YARS2: variants seen among roughly 807,000 people sequenced by gnomAD.
YARS2 encodes the protein tyrosine--tRNA ligase, mitochondrial.
Under a neutral mutation model 45.0 loss-of-function variants are expected in YARS2, and 38 were observed. The ratio of observed to expected loss-of-function variants is 0.84; its 90% CI spans 0.65 to 1.11. The LOEUF is 1.11. Ranked by LOEUF, YARS2 falls within the 50% of genes least tolerant of loss-of-function variation. The pLI, the probability that YARS2 is intolerant of heterozygous loss-of-function variation, is 0.00. For missense variants in YARS2, 602 were observed against 599.8 expected, an observed-to-expected ratio of 1.00 and a Z score of -0.04; for synonymous variants, 287 against 245.1, an observed-to-expected ratio of 1.17 and a Z score of -1.60.
At chr12:32,748,185 G>A (rs74810251) in intron 4 of YARS2, among the ~76,000 whole-genome samples, 241 of 151,968 alleles carry the variant, frequency 1.6e-3, no homozygotes, top group African/African-American at 5.5e-3. Context: ...TTTATTTTTG[G>A]GTAGAGACGG....
At chr12:32,750,314 G>A (rs929177034) in intron 3 of YARS2, among the ~76,000 whole-genome samples, 5 of 152,074 alleles carry the variant, frequency 3.3e-5, no homozygotes, top group Non-Finnish European at 5.9e-5. Context: ...CGATTCTCCT[G>A]CCTCAGCCTC....
In YARS2 at chr12:32,755,732, A is replaced by C. The variant is rs1338620533; in HGVS notation, c.143T>G (p.Phe48Cys). 3.7e-6 allele frequency: 6 copies of C among 1,614,026 alleles called. No individual in the cohort carries two copies. The highest frequency in any genetic ancestry group is 5.1e-6 in the Non-Finnish European group (6 of 1,180,044). Residue 48 changes from phenylalanine (F) to cysteine (C), a missense_variant, in exon 1 of 5, where the codon TTC becomes TGC. Phe to Cys is a radical substitution (Grantham distance 205, BLOSUM62 -2). Coordinates refer to ENST00000324868, the MANE Select transcript of YARS2 (RefSeq NM_001040436.3). ...CCCCGTCTCCGGGAAGAAGTCCTTG[A>C]ACAGACCTCGAGCCTTCTGCGCTGC... Reference protein sequence around the residue: ...LLAAQKARGLFKDFFPETGTK... With the variant: ...LLAAQKARGLCKDFFPETGTK...
intron 4 of YARS2, among the ~76,000 whole-genome samples, chr12:32,748,254 C>T (rs1025620064): frequency 1.3e-5 from 2 of 152,078 alleles, no homozygotes; most frequent in East Asian, 1.9e-4. Context: ...GCAATCCTCC[C>T]GCCCTCAGCC....
rs751431435 is a variant in YARS2, at chr12:32,747,409, T to C, written c.1275-46A>G. ...GTAAGTAGAGAGATCCAATCACTGT[T>C]GATCTGTCCCCCAAAAAAGACTGTT... On this transcript the variant is annotated intron_variant, in intron 4 of 4. Coordinates refer to ENST00000324868, the MANE Select transcript of YARS2 (RefSeq NM_001040436.3). 1.3e-5 allele frequency: 21 copies of C among 1,593,026 alleles called. No individual in the cohort carries two copies. The South Asian group carries it at 2.3e-4, about 18-fold the overall frequency.
At chr12:32,748,215 C>T (rs1955678612) in intron 4 of YARS2, among the ~76,000 whole-genome samples, 1 of 151,968 alleles carries the variant, frequency 6.6e-6, no homozygotes, top group Non-Finnish European at 1.5e-5. Context: ...ACGTCCTTGC[C>T]CACACAGATC....
Position 32,750,104 on chromosome 12 carries a change from A to C in YARS2, c.1107T>G (p.Cys369Trp), listed in dbSNP as rs1955711030. ...TGCTACTGTGATAAAGGGCTTGTGTACACCTGAAAAACACATTTTAAGAGC... is the reference window on the plus strand; with the variant it reads ...TGCTACTGTGATAAAGGGCTTGTGTCCACCTGAAAAACACATTTTAAGAGC... ...GREGLDSAKRCTQALYHSSID... is the reference protein window; with the variant it reads ...GREGLDSAKRWTQALYHSSID... The change falls in exon 4 of 5, where the codon TGT (cysteine) becomes TGG (tryptophan). Residue 369 changes from cysteine to tryptophan, a missense_variant. Transcript: ENST00000324868. The C allele has an allele frequency of 2.5e-6, 4 of 1,613,884 alleles. No individual in the cohort carries two copies. Among genetic ancestry groups the C allele is most frequent in the Non-Finnish European group, 3.4e-6 (4 of 1,179,820 alleles).
At chr12:32,752,805 T>A (rs1175937138) in intron 2 of YARS2, 1 of 338,934 alleles carries the variant, frequency 3.0e-6, no homozygotes, top group Admixed American at 3.6e-5. Context: ...CAGGACTATA[T>A]CGTCAAACAT....
chr12:32,754,632 A>C (rs545846889), intron 1 of YARS2, among the ~76,000 whole-genome samples: 9 of 152,222 alleles, frequency 5.9e-5, no homozygotes, highest in African/African-American at 1.9e-4. Flanking sequence ...AAACACACAA[A>C]AGCAGTTTCT....
chr12:32,752,787 C>CA, intron 2 of YARS2: 1 of 344,590 alleles, frequency 2.9e-6, no homozygotes, highest in Admixed American at 3.4e-5. Flanking sequence ...CTCAATACAT[C>CA]AAAACCCCAG....
Position 32,747,358 on chromosome 12 carries a change from C to T in YARS2, c.1280G>A (p.Arg427Gln), listed in dbSNP as rs560972647. ...NAIPDGPRGY[R>Q]MITEGGVSIN... ...GCTGACTCCGCCTTCTGTTATCATT[C>T]GATACCTAAAAAATAGAAACGTTTA... The change falls in exon 5 of 5, where the codon CGA becomes CAA. Residue 427 changes from arginine to glutamine, a missense_variant. Transcript: ENST00000324868. 84 of 1,613,752 alleles carry T rather than the reference C, an allele frequency of 5.2e-5. No homozygotes were observed. The South Asian group carries it at 7.2e-4, about 14-fold the overall frequency.
In YARS2 at chr12:32,754,711, C is replaced by CTTTT. The variant is rs755897245; in HGVS notation, c.779+381_779+384dup. ...AAATCTTCACTAGTGGTCTGTTTCCCTTTTTTTTTTTTTTTTTTTTGAGAC... is the reference window on the plus strand; with the variant it reads ...AAATCTTCACTAGTGGTCTGTTTCCCTTTTTTTTTTTTTTTTTTTTTTTTGAGAC... On this transcript the variant is annotated intron_variant, in intron 1 of 4. Coordinates refer to ENST00000324868, the MANE Select transcript of YARS2 (RefSeq NM_001040436.3). Among the ~76,000 whole-genome samples, 132 of 126,724 alleles carry CTTTT rather than the reference C, an allele frequency of 1.0e-3. 1 individual carries two copies. The highest frequency in any genetic ancestry group is 1.5e-3 in the Non-Finnish European group (91 of 61,436). The allele number at this position is 126,724 out of a possible 152,430, so 83.1% of individuals were successfully genotyped here. A position where few individuals can be genotyped will look rare whatever the true frequency, so the allele number is the denominator to read the frequency against.
chr12:32,750,634 G>A, intron 3 of YARS2, 85 bp downstream of exon 3: 2 of 1,565,292 alleles, frequency 1.3e-6, no homozygotes, highest in Non-Finnish European at 1.7e-6. Flanking sequence ...TAAATGACAA[G>A]ATAATCCTAA....
chr12:32,755,394 C>T lies in YARS2; in HGVS notation c.481G>A (p.Asp161Asn). 1 of 1,613,886 alleles carries T rather than the reference C, an allele frequency of 6.2e-7. No individual in the cohort carries two copies. Among genetic ancestry groups the T allele is most frequent in the Non-Finnish European group, 8.5e-7 (1 of 1,180,036 alleles). Residue 161 changes from aspartate (D) to asparagine (N), a missense_variant, in exon 1 of 5, where the codon GAT becomes AAT. Physicochemically the swap from Asp to Asn is conservative, Grantham distance 23 (BLOSUM62 1). Transcript: ENST00000324868. The stretch of plus-strand genomic sequence containing the variant: ...GTGAAGCTGCCCCAGGAGCGCCCAT[C>T]AGTGAAAAGCTGCTGGTGATTAGCC... The part of the protein sequence containing the change: ...LAANHQQLFT[D>N]GRSWGSFTVL...
At chr12:32,750,632 A>G in intron 3 of YARS2, 87 bp downstream of exon 3, 1 of 1,557,966 alleles carries the variant, frequency 6.4e-7, no homozygotes, top group Non-Finnish European at 8.8e-7. Flanking sequence ...GATAAATGAC[A>G]AGATAATCCT....
chr12:32,754,880 A>C (rs1955817453), intron 1 of YARS2, among the ~76,000 whole-genome samples: 1 of 152,020 alleles, frequency 6.6e-6, no homozygotes, highest in Non-Finnish European at 1.5e-5. Flanking sequence ...ACGCCCAGCT[A>C]ATTTTTAGAA....
At position 32,746,905 on chromosome 12, in the gene YARS2, A is replaced by G. The variant is rs1955649390; in HGVS notation, c.*299T>C. On this transcript the variant is annotated 3_prime_UTR_variant, in exon 5 of 5. Transcript: ENST00000324868. ...CTACAAAAAGGAGAGCAGGAAGGGT[A>G]AGATAGGAAAGCAGCATTTCTTTCT... 3.1e-6 allele frequency: 1 copy of G among 327,188 alleles called. No homozygotes were observed. The highest frequency in any genetic ancestry group is 5.7e-6 in the Non-Finnish European group (1 of 174,866). 20.3% of individuals were successfully genotyped at this position (327,188 alleles called of 1,614,324 possible).
At chr12:32,748,859 T>C (rs1955688183) in intron 4 of YARS2, among the ~76,000 whole-genome samples, 2 of 152,256 alleles carry the variant, frequency 1.3e-5, no homozygotes, top group African/African-American at 2.4e-5. Context: ...CGATAACCAT[T>C]TGACTTCTGT....
chr12:32,755,897 T>A lies in YARS2; in HGVS notation c.-23A>T. The A allele has an allele frequency of 1.2e-6, 2 of 1,611,870 alleles. No individual in the cohort carries two copies. Among genetic ancestry groups the A allele is most frequent in the South Asian group, 2.2e-5 (2 of 91,040 alleles). On this transcript the variant is annotated 5_prime_UTR_variant, in exon 1 of 5. Coordinates refer to ENST00000324868, the MANE Select transcript of YARS2 (RefSeq NM_001040436.3). ...CATCTTGGTAGCGGCACGAAGGGAA[T>A]GCTGGGATTGCAGAGGCTCCCACCA...
At position 32,755,278 on chromosome 12, in the gene YARS2, C is replaced by G; in HGVS notation, c.597G>C (p.Leu199=). The G allele has an allele frequency of 5.0e-6, 8 of 1,614,186 alleles. No homozygotes were observed. Among genetic ancestry groups the G allele is most frequent in the Non-Finnish European group, 6.8e-6 (8 of 1,180,052 alleles). The change falls in exon 1 of 5, where the codon CTG becomes CTC. Residue 199 remains leucine (L), a synonymous_variant. Transcript: ENST00000324868. ...VGGHFRMGTL[L]SRQSVQLRLK... is the part of the protein sequence containing the mutation. ...GCCGCAGCTGCACGCTCTGCCGGCTCAGCAGCGTCCCCATGCGGAAGTGAC... is the reference window on the plus strand; with the variant it reads ...GCCGCAGCTGCACGCTCTGCCGGCTGAGCAGCGTCCCCATGCGGAAGTGAC...
Sources: gnomAD v4.1 joint callset for allele counts (sites outside exome capture counted in the v4.1 genomes callset) on GRCh38, gnomAD v4.1.1 for gene constraint, MANE v1.5 for transcripts, NCBI Gene and HGNC (gene_info 2026-07-23, HGNC 2026-07-21) for gene names.